The following RGS6 variants were observed in gnomAD, a reference collection of about 807,000 sequenced individuals.
RGS6 encodes regulator of G protein signaling 6.
RGS6 carries 30 observed loss-of-function variants against 78.5 expected under a neutral mutation model. The ratio of observed to expected loss-of-function variants is 0.38; its 90% CI spans 0.29 to 0.52. RGS6 has a LOEUF of 0.52. Ranked by LOEUF, RGS6 falls within the 20% of genes least tolerant of loss-of-function variation. The pLI is 0.85. For synonymous variants in RGS6, 206 were observed against 206.0 expected, an observed-to-expected ratio of 1.00 and a Z score of 0.00; for missense variants, 495 against 609.7, an observed-to-expected ratio of 0.81 and a Z score of 1.98.
rs547804490 is a variant in RGS6 at position 72,422,171 on chromosome 14, A to T, written c.185-32357A>T. ...CTCCTTGCCTTCTGCCATGATTGTG[A>T]GGCCTCCCCAGCCACGTGGAACTGT... On this transcript the variant is annotated intron_variant, in intron 3 of 17. Transcript: ENST00000553525. Among the ~76,000 whole-genome samples the T allele has an allele frequency of 4.8e-4, 73 of 152,282 alleles. 1 individual carries two copies. The highest frequency in any genetic ancestry group is 3.4e-4 in the Non-Finnish European group (23 of 68,026).
chr14:72,532,672 C>G (rs1249500094), intron 15 of RGS6, among the ~76,000 whole-genome samples: 2 of 152,170 alleles, frequency 1.3e-5, no homozygotes, highest in Non-Finnish European at 1.5e-5. Context: ...GATAAGAAAG[C>G]AAAACAACCT....
the RGS6 span, among the ~76,000 whole-genome samples, chr14:72,605,356 C>T: frequency 2.0e-4 from 31 of 152,324 alleles, no homozygotes; most frequent in African/African-American, 5.5e-4. Flanking sequence ...GGCAGGCGGG[C>T]GCTTGCACGC....
rs58303649 is a variant in RGS6 at position 72,323,800 on chromosome 14, C to CAAAAAAAAAAAAA, written c.85-28266_85-28254dup. Among the ~76,000 whole-genome samples the CAAAAAAAAAAAAA allele has an allele frequency of 9.5e-4, 16 of 16,820 alleles. 2 individuals carry two copies. Among genetic ancestry groups the CAAAAAAAAAAAAA allele is most frequent in the Non-Finnish European group, 1.5e-3 (14 of 9,414 alleles). 11.0% of individuals were successfully genotyped at this position (16,820 alleles called of 152,430 possible). A position where few individuals can be genotyped will look rare whatever the true frequency, so the allele number is the denominator to read the frequency against. Reference sequence around the variant, plus strand: ...TGGGTGACAGAGTGAGACTCCATCTCAAAAAAAAAAAAAAAAAAAAAAAAA... The same window carrying CAAAAAAAAAAAAA: ...TGGGTGACAGAGTGAGACTCCATCTCAAAAAAAAAAAAAAAAAAAAAAAAAAAAAAAAAAAAAA... On this transcript the variant is annotated intron_variant, in intron 2 of 17. Transcript: ENST00000553525.
chr14:71,969,039 T>G (rs2093669776), intron 2 of RGS6, among the ~76,000 whole-genome samples: 1 of 152,154 alleles, frequency 6.6e-6, no homozygotes, highest in South Asian at 2.1e-4. Context: ...GTGTTCTCAT[T>G]GTTCAATTCC....
chr14:72,238,957 G>A (rs759795952), intron 2 of RGS6, among the ~76,000 whole-genome samples: 17 of 152,198 alleles, frequency 1.1e-4, no homozygotes, highest in South Asian at 2.1e-4. Context: ...AATTCCATAT[G>A]GATCTGCAGC....
At chr14:72,506,088 A>G (rs143631080) in intron 13 of RGS6, among the ~76,000 whole-genome samples, 2 of 152,336 alleles carry the variant, frequency 1.3e-5, no homozygotes, top group African/African-American at 4.8e-5. Flanking sequence ...ATTAGAAAAC[A>G]CTGTCAGGAT....
the RGS6 span, among the ~76,000 whole-genome samples, chr14:71,913,287 C>T: frequency 6.6e-6 from 1 of 152,184 alleles, no homozygotes; most frequent in African/African-American, 2.4e-5. Flanking sequence ...TAAACTTGCT[C>T]AATATGTGTA....
At chr14:71,887,413 T>G in the RGS6 span, among the ~76,000 whole-genome samples, 1 of 152,138 alleles carries the variant, frequency 6.6e-6, no homozygotes, top group African/African-American at 2.4e-5. Context: ...AAGAGCCATA[T>G]TTTTCTTCTT....
intron 2 of RGS6, among the ~76,000 whole-genome samples, chr14:72,241,201 A>C (rs1432850786): frequency 2.0e-5 from 3 of 151,892 alleles, no homozygotes; most frequent in African/African-American, 7.3e-5. Flanking sequence ...GAGAGCAAGC[A>C]GACAGAGAAG....
At chr14:72,403,295 A>G (rs1473148026) in intron 3 of RGS6, among the ~76,000 whole-genome samples, 1 of 152,238 alleles carries the variant, frequency 6.6e-6, no homozygotes, top group African/African-American at 2.4e-5. Context: ...TCTGTCATTC[A>G]TGGCAACATG....
At chr14:72,212,735 T>C (rs2044483417) in intron 2 of RGS6, among the ~76,000 whole-genome samples, 1 of 152,178 alleles carries the variant, frequency 6.6e-6, no homozygotes, top group African/African-American at 2.4e-5. Context: ...TTCTCTAGTC[T>C]TGTAGTTGGA....
At chr14:71,925,130 CATT>C in the RGS6 span, among the ~76,000 whole-genome samples, 2 of 152,132 alleles carry the variant, frequency 1.3e-5, no homozygotes, top group Non-Finnish European at 2.9e-5. Context: ...AGGTGACACT[CATT>C]GTGGCTTTGG....
At position 72,168,750 on chromosome 14, in the gene RGS6, G is replaced by A. The variant is rs187467578; in HGVS notation, c.85-183345G>A. On this transcript the variant is annotated intron_variant, in intron 2 of 17. Coordinates refer to ENST00000553525, the MANE Select transcript of RGS6 (RefSeq NM_001204424.2). ...GCGCTGCTCTAGAAGGGAGAAGTAC[G>A]GCTCTGCTAGGACACATCTCCTGCT... 2.7e-3 allele frequency among the ~76,000 whole-genome samples: 409 copies of A among 152,268 alleles called. 2 individuals carry two copies. Among genetic ancestry groups the A allele is most frequent in the Admixed American group, 4.8e-3 (74 of 15,296 alleles).
At chr14:72,243,973 T>C (rs2053578265) in intron 2 of RGS6, among the ~76,000 whole-genome samples, 1 of 152,170 alleles carries the variant, frequency 6.6e-6, no homozygotes, top group African/African-American at 2.4e-5. Context: ...TCATCAATAT[T>C]TTTGTTGGCC....
At chr14:71,982,395 G>A (rs17105295) in intron 2 of RGS6, among the ~76,000 whole-genome samples, 3,011 of 152,246 alleles carry the variant, frequency 0.02, 102 homozygotes, top group African/African-American at 0.067. Context: ...ACAATGTTAC[G>A]TTACTTCTGA....
chr14:72,166,003 G>C (rs1205454998), intron 2 of RGS6, among the ~76,000 whole-genome samples: 1 of 151,822 alleles, frequency 6.6e-6, no homozygotes, highest in Non-Finnish European at 1.5e-5. Flanking sequence ...AGATATCTTA[G>C]AGTTAATTGA....
At chr14:72,061,927 C>T (rs2093916612) in intron 2 of RGS6, among the ~76,000 whole-genome samples, 3 of 152,208 alleles carry the variant, frequency 2.0e-5, no homozygotes, top group Admixed American at 2.0e-4. Context: ...CCAGGCATAG[C>T]TCTCAATGCT....
At chr14:72,289,970 A>C (rs1567674440) in intron 2 of RGS6, among the ~76,000 whole-genome samples, 2 of 152,192 alleles carry the variant, frequency 1.3e-5, no homozygotes, top group Non-Finnish European at 2.9e-5. Context: ...GGATTAGAAA[A>C]AATTAAGCAT....
intron 3 of RGS6, among the ~76,000 whole-genome samples, chr14:72,360,571 A>G (rs955724991): frequency 6.6e-6 from 1 of 151,488 alleles, no homozygotes; most frequent in Non-Finnish European, 1.5e-5. Flanking sequence ...GGCATAATAG[A>G]TGCACAGAGG....
Sources: allele counts gnomAD v4.1 joint callset (sites outside exome capture counted in the v4.1 genomes callset), GRCh38; gene constraint gnomAD v4.1.1; transcripts MANE v1.5; gene names NCBI Gene and HGNC (gene_info 2026-07-23, HGNC 2026-07-21).